The following NCOA3 variants were observed in gnomAD, a reference collection of about 807,000 sequenced individuals.
NCOA3 encodes nuclear receptor coactivator 3, also known as CBP-interacting protein.
A neutral mutation model predicts 158.8 loss-of-function variants in NCOA3; 51 were observed. The ratio of observed to expected loss-of-function variants is 0.32; its 90% confidence interval spans 0.26 to 0.41. NCOA3 has a LOEUF of 0.41. NCOA3 is among the 10% of genes least tolerant of loss of function. The pLI is 1.00. For missense variants in NCOA3, 1,510 were observed against 1,746.6 expected, an observed-to-expected ratio of 0.86 and a Z score of 2.41; for synonymous variants, 537 against 592.4, an observed-to-expected ratio of 0.91 and a Z score of 1.36.
At chr20:47,566,735 C>A (rs2085200898) in intron 1 of NCOA3, among the ~76,000 whole-genome samples, 1 of 152,078 alleles carries the variant, frequency 6.6e-6, no homozygotes, top group African/African-American at 2.4e-5. Context: ...GTCTTGAAAT[C>A]CTGAGCTCAT....
At chr20:47,526,386 G>C (rs1489136411) in intron 1 of NCOA3, among the ~76,000 whole-genome samples, 2 of 152,132 alleles carry the variant, frequency 1.3e-5, no homozygotes, top group Non-Finnish European at 1.5e-5. Flanking sequence ...TGCAATCTCG[G>C]CACTTTGGGA....
chr20:47,515,940 A>G (rs776848897), intron 1 of NCOA3, among the ~76,000 whole-genome samples: 11 of 152,240 alleles, frequency 7.2e-5, no homozygotes, highest in Non-Finnish European at 1.3e-4. Flanking sequence ...CAATTTGGAA[A>G]GGCCACATAC....
intron 1 of NCOA3, among the ~76,000 whole-genome samples, chr20:47,528,499 T>A (rs2084493156): frequency 6.6e-6 from 1 of 152,188 alleles, no homozygotes; most frequent in African/African-American, 2.4e-5. Flanking sequence ...TTGCCATTGT[T>A]CCCTCTCTAA....
chr20:47,626,943 TAGAG>T, intron 5 of NCOA3, 55 bp from the exon 6 acceptor site: 1 of 1,402,692 alleles, frequency 7.1e-7, no homozygotes, highest in Non-Finnish European at 9.8e-7. Context: ...ATTTAAGAAT[TAGAG>T]GGAGGAGGAT....
At chr20:47,578,296 C>T (rs2085402570) in intron 1 of NCOA3, among the ~76,000 whole-genome samples, 1 of 152,208 alleles carries the variant, frequency 6.6e-6, no homozygotes, top group Non-Finnish European at 1.5e-5. Context: ...AGCGATTCTC[C>T]TGCCTCGGCC....
At chr20:47,542,180 A>G (rs1365022024) in intron 1 of NCOA3, among the ~76,000 whole-genome samples, 1 of 150,298 alleles carries the variant, frequency 6.7e-6, no homozygotes, top group African/African-American at 2.4e-5. Flanking sequence ...AAAGGTGCAC[A>G]CCACCATGCC....
In NCOA3 at chr20:47,647,695, C is replaced by A. The variant is rs1003552305; in HGVS notation, c.3546+329C>A. On this transcript the variant is annotated intron_variant, in intron 18 of 22. Transcript: ENST00000371998. The stretch of plus-strand genomic sequence containing the variant: ...TACTGCTAATAACCAAATACTTAAA[C>A]CTTCTTGATTTCAGCATTTTTAATG... Among the ~76,000 whole-genome samples, 17 of 151,942 alleles carry A rather than the reference C, an allele frequency of 1.1e-4. No individual in the cohort carries two copies. The South Asian group carries it at 3.5e-3, about 32-fold the overall frequency.
At chr20:47,514,551 C>T (rs2084199916) in intron 1 of NCOA3, among the ~76,000 whole-genome samples, 1 of 151,998 alleles carries the variant, frequency 6.6e-6, no homozygotes, top group East Asian at 1.9e-4. Context: ...TCATTCCCAC[C>T]TAATTTTTTT....
At chr20:47,560,448 G>C (rs559432151) in intron 1 of NCOA3, among the ~76,000 whole-genome samples, 1 of 152,218 alleles carries the variant, frequency 6.6e-6, no homozygotes, top group South Asian at 2.1e-4. Flanking sequence ...GGTTAAGTTA[G>C]GTTTTAGCTT....
chr20:47,640,760 T>C lies in NCOA3; in HGVS notation c.3080+709T>C, dbSNP rs189178859. Among the ~76,000 whole-genome samples the C allele has an allele frequency of 4.1e-3, 617 of 149,672 alleles. 3 individuals carry two copies. Among genetic ancestry groups the C allele is most frequent in the African/African-American group, 0.014 (586 of 40,814 alleles). ...AAAATTAGCCGGGTGTGGTGGTGTG[T>C]GCCTGTAGTCCCAGCTACTCAGGAG... On this transcript the variant is annotated intron_variant, in intron 16 of 22. Transcript: ENST00000371998.
At chr20:47,512,493 G>A (rs1410121202) in intron 1 of NCOA3, among the ~76,000 whole-genome samples, 1 of 151,444 alleles carries the variant, frequency 6.6e-6, no homozygotes, top group African/African-American at 2.4e-5. Context: ...GCTTGAACCC[G>A]GCAGGCGAAG....
chr20:47,597,482 C>CTT (rs772828107), intron 2 of NCOA3, among the ~76,000 whole-genome samples: 13 of 125,348 alleles, frequency 1.0e-4, no homozygotes, highest in Admixed American at 2.4e-4. Flanking sequence ...CTAACCTGTG[C>CTT]TTTTTTTTTT....
At chr20:47,573,332 G>C (rs954951040) in intron 1 of NCOA3, among the ~76,000 whole-genome samples, 1 of 152,174 alleles carries the variant, frequency 6.6e-6, no homozygotes, top group Non-Finnish European at 1.5e-5. Context: ...GGCGGAGGTT[G>C]CAGTGAGCCG....
chr20:47,534,944 AAG>A (rs2146114865), intron 1 of NCOA3, among the ~76,000 whole-genome samples: 1 of 152,060 alleles, frequency 6.6e-6, no homozygotes, highest in South Asian at 2.1e-4. Flanking sequence ...TTTATAAAAA[AAG>A]GTGTTTGGAT....
At chr20:47,619,037 A>G (rs1028730133) in intron 2 of NCOA3, among the ~76,000 whole-genome samples, 1 of 152,232 alleles carries the variant, frequency 6.6e-6, no homozygotes, top group Non-Finnish European at 1.5e-5. Context: ...ATTGTTATAG[A>G]TCAGAATAAA....
chr20:47,509,655 C>T (rs1338674224), intron 1 of NCOA3, among the ~76,000 whole-genome samples: 1 of 152,102 alleles, frequency 6.6e-6, no homozygotes, highest in Non-Finnish European at 1.5e-5. Context: ...TGCCTGTAAT[C>T]CCAGCAATTT....
chr20:47,502,881 GAGCGAGC>G (rs796297390), intron 1 of NCOA3, among the ~76,000 whole-genome samples: 5 of 152,166 alleles, frequency 3.3e-5, no homozygotes, highest in African/African-American at 1.2e-4. Flanking sequence ...TTAACCGAGA[GAGCGAGC>G]ATCTACCTCA....
chr20:47,515,483 T>C lies in NCOA3; in HGVS notation c.-99+13464T>C, dbSNP rs2084218909. On this transcript the variant is annotated intron_variant, in intron 1 of 22. Coordinates refer to ENST00000371998, the MANE Select transcript of NCOA3 (RefSeq NM_181659.3). ...CTTTTTCTTTCTTTCTTTTTTTTTT[T>C]TTTTTTTCTTTTTTTTAAGACAGGT... 4.7e-5 allele frequency among the ~76,000 whole-genome samples: 7 copies of C among 149,046 alleles called. No individual in the cohort carries two copies. In the South Asian group the frequency reaches 1.5e-3, roughly 32 times the overall value.
At chr20:47,534,220 G>C (rs916291819) in intron 1 of NCOA3, among the ~76,000 whole-genome samples, 4 of 150,538 alleles carry the variant, frequency 2.7e-5, no homozygotes, top group African/African-American at 4.9e-5. Flanking sequence ...ACCCATCCAA[G>C]GCTCTTTTAT....
Sources: allele counts gnomAD v4.1 joint callset (sites outside exome capture counted in the v4.1 genomes callset), GRCh38; gene constraint gnomAD v4.1.1; transcripts MANE v1.5; gene names NCBI Gene and HGNC (gene_info 2026-07-23, HGNC 2026-07-21).